DOCK4: variants seen among roughly 807,000 people sequenced by gnomAD.
The protein encoded by DOCK4 is dedicator of cytokinesis 4.
Under a neutral mutation model 268.1 loss-of-function variants are expected in DOCK4, and 97 were observed. The observed-to-expected ratio is 0.36, with a 90% confidence interval of 0.31 to 0.43. The LOEUF is 0.43. Among genes scored for constraint, DOCK4 ranks in the 20% least tolerant of loss-of-function variants. DOCK4 has a pLI of 1.00. For synonymous variants in DOCK4, 954 were observed against 887.2 expected (o/e 1.08, Z -1.34); for missense variants, 2,145 against 2,455.7 (o/e 0.87, Z 2.67).
chr7:111,925,241 T>C (rs1040867163), intron 12 of DOCK4, among the ~76,000 whole-genome samples: 3 of 152,146 alleles, frequency 2.0e-5, no homozygotes, highest in Non-Finnish European at 4.4e-5. Flanking sequence ...AGTAAATACA[T>C]TAGAAGCTAT....
intron 8 of DOCK4, among the ~76,000 whole-genome samples, chr7:111,973,027 G>A (rs1797849090): frequency 6.6e-6 from 1 of 151,352 alleles, no homozygotes; most frequent in Admixed American, 6.6e-5. Context: ...CAACTTATGA[G>A]TGAGAACATA....
At chr7:111,971,356 G>T in intron 8 of DOCK4, 1 of 188,228 alleles carries the variant, frequency 5.3e-6, no homozygotes, top group South Asian at 1.1e-4. Flanking sequence ...GGTCCTGATA[G>T]CTTCCACTGG....
intron 11 of DOCK4, among the ~76,000 whole-genome samples, chr7:111,938,421 T>A (rs1444165354): frequency 6.6e-6 from 1 of 152,150 alleles, no homozygotes; most frequent in Admixed American, 6.6e-5. Context: ...TAACACAACC[T>A]CCAGAATGGA....
At chr7:112,128,455 G>A (rs965729411) in intron 1 of DOCK4, among the ~76,000 whole-genome samples, 2 of 152,194 alleles carry the variant, frequency 1.3e-5, no homozygotes, top group African/African-American at 4.8e-5. Flanking sequence ...GGATGACAAT[G>A]GCGGCTTTGT....
At chr7:111,829,878 T>C (rs897236725) in intron 26 of DOCK4, among the ~76,000 whole-genome samples, 1 of 152,196 alleles carries the variant, frequency 6.6e-6, no homozygotes, top group African/African-American at 2.4e-5. Context: ...GAATGATTTA[T>C]AGTCTTTATT....
intron 39 of DOCK4, among the ~76,000 whole-genome samples, chr7:111,762,038 A>C (rs998143622): frequency 6.8e-6 from 1 of 146,220 alleles, no homozygotes; most frequent in African/African-American, 2.6e-5. Flanking sequence ...AACAATGCTT[A>C]TATATGACAG....
At chr7:111,740,015 T>C in intron 47 of DOCK4, 1 of 336,710 alleles carries the variant, frequency 3.0e-6, no homozygotes, top group Non-Finnish European at 6.0e-6. Context: ...AACTACATTT[T>C]TCTTGTATAA....
Position 111,943,315 on chromosome 7 carries a change from C to G in DOCK4, c.844+1496G>C, listed in dbSNP as rs150711738. ...TGGGCAGTACTACTGAGGCGGCTTC[C>G]TTGGCAATAACACTGTGAGTGAAGT... On this transcript the variant is annotated intron_variant, in intron 10 of 52. Coordinates refer to ENST00000428084, the MANE Select transcript of DOCK4 (RefSeq NM_001363540.2). Among the ~76,000 whole-genome samples, 179 of 152,290 alleles carry G rather than the reference C, an allele frequency of 1.2e-3. 1 individual carries two copies. In the East Asian group the frequency reaches 0.029, roughly 24 times the overall value.
chr7:112,054,068 T>C (rs541205448), intron 1 of DOCK4, among the ~76,000 whole-genome samples: 2 of 152,266 alleles, frequency 1.3e-5, no homozygotes, highest in East Asian at 3.9e-4. Context: ...ACGCTGGTAA[T>C]CACAGCACTT....
chr7:111,905,676 T>C (rs192231000), intron 13 of DOCK4, among the ~76,000 whole-genome samples: 1 of 138,152 alleles, frequency 7.2e-6, no homozygotes, highest in East Asian at 2.0e-4. Flanking sequence ...TTTATATATA[T>C]GCATGTATGT....
At chr7:112,041,185 G>A (rs1804323604) in intron 1 of DOCK4, among the ~76,000 whole-genome samples, 1 of 152,108 alleles carries the variant, frequency 6.6e-6, no homozygotes. Flanking sequence ...GTGACAGGAA[G>A]GTCACAGAAT....
Position 111,993,723 on chromosome 7 carries a change from A to G in DOCK4, c.315+412T>C, listed in dbSNP as rs1348653426. 3.3e-5 allele frequency among the ~76,000 whole-genome samples: 5 copies of G among 152,302 alleles called. No individual in the cohort carries two copies. In the East Asian group the frequency reaches 9.6e-4, roughly 29 times the overall value. ...ACATTCTTTTCTCTAGTATATTTAG[A>G]ATATTCTCATTGATACTAGCTAAGA... On this transcript the variant is annotated intron_variant, in intron 5 of 52. Coordinates refer to ENST00000428084, the MANE Select transcript of DOCK4 (RefSeq NM_001363540.2).
intron 32 of DOCK4, among the ~76,000 whole-genome samples, chr7:111,786,354 C>T (rs750608773): frequency 3.3e-5 from 5 of 152,018 alleles, no homozygotes; most frequent in Non-Finnish European, 5.9e-5. Context: ...ATAGATAAAG[C>T]GGAATGAGCG....
chr7:111,936,402 G>A (rs1794737615), intron 11 of DOCK4, among the ~76,000 whole-genome samples: 1 of 152,070 alleles, frequency 6.6e-6, no homozygotes, highest in African/African-American at 2.4e-5. Flanking sequence ...AGGTTCTTGA[G>A]GACTGGATCT....
chr7:112,095,017 G>A (rs1227870195), intron 1 of DOCK4, among the ~76,000 whole-genome samples: 1 of 152,144 alleles, frequency 6.6e-6, no homozygotes, highest in African/African-American at 2.4e-5. Flanking sequence ...AAATTACCCA[G>A]TCTCAGGTAT....
intron 1 of DOCK4, among the ~76,000 whole-genome samples, chr7:112,108,913 G>A (rs1811376425): frequency 6.6e-6 from 1 of 152,098 alleles, no homozygotes; most frequent in South Asian, 2.1e-4. Flanking sequence ...TCTGAGCACT[G>A]CCAGGGACCA....
Position 111,778,278 on chromosome 7 carries a change from G to A in DOCK4, c.3677C>T (p.Thr1226Ile), listed in dbSNP as rs1798578152. 14 of 1,605,774 alleles carry A rather than the reference G, an allele frequency of 8.7e-6. No homozygotes were observed. The East Asian group carries it at 1.3e-4, about 15-fold the overall frequency. The change falls in exon 36 of 53, where the codon ACA (threonine) becomes ATA (isoleucine). Residue 1226 changes from threonine (T) to isoleucine (I), a missense_variant and splice_region_variant. By Grantham distance (89) the Thr-to-Ile change is moderately conservative. Around this residue, in one of 2 missense-constraint regions of DOCK4, gnomAD observed 1,598 missense variants for 1,986.7 expected, o/e 0.80. Transcript: ENST00000428084. ...TCTGAGCCAAAAGACAGAATTACCT[G>A]TAAAGTTCTGTGCTTTGAGATGCAG... is the stretch of plus-strand genomic sequence containing the variant. ...YDLHLKAQNFTEAAYTLLLYD... is the reference protein window; with the variant it reads ...YDLHLKAQNFIEAAYTLLLYD...
At chr7:112,047,814 A>T (rs762110777) in intron 1 of DOCK4, among the ~76,000 whole-genome samples, 2 of 152,128 alleles carry the variant, frequency 1.3e-5, no homozygotes, top group Non-Finnish European at 2.9e-5. Context: ...TGTCTCAGCC[A>T]TCTGAGTAGC....
intron 52 of DOCK4, among the ~76,000 whole-genome samples, chr7:111,730,205 AG>A (rs1261385830): frequency 6.6e-6 from 1 of 152,210 alleles, no homozygotes; most frequent in African/African-American, 2.4e-5. Context: ...CTCTGTGAAA[AG>A]AGGGTTCCGC....
Sources: allele counts gnomAD v4.1 joint callset (sites outside exome capture counted in the v4.1 genomes callset), GRCh38; gene constraint gnomAD v4.1.1; regional missense constraint gnomAD v4.1.1; transcripts MANE v1.5; gene names NCBI Gene and HGNC (gene_info 2026-07-23, HGNC 2026-07-21).